Variants in TIAM1 observed in about 807,000 individuals in gnomAD.
TIAM1 encodes the protein rho guanine nucleotide exchange factor TIAM1.
A neutral mutation model predicts 163.5 loss-of-function variants in TIAM1; 65 were observed. The observed-to-expected ratio is 0.40, with a 90% CI of 0.33 to 0.49. The LOEUF is 0.49. Among genes scored for constraint, TIAM1 ranks in the 20% least tolerant of loss-of-function variants. The probability of loss-of-function intolerance (pLI) is 0.77; values close to 1 mark genes in which losing one functional copy is unlikely to be tolerated. For missense variants in TIAM1, 1,789 were observed against 2,044.7 expected (o/e 0.87, Z 2.41); for synonymous variants, 833 against 810.1 (o/e 1.03, Z -0.48).
intron 1 of TIAM1, among the ~76,000 whole-genome samples, chr21:31,472,980 C>T (rs79965643): frequency 0.017 from 2,640 of 152,256 alleles, 69 homozygotes; most frequent in African/African-American, 0.059. Context: ...TTCCTCACCC[C>T]TCACTCAATC....
intron 2 of TIAM1, among the ~76,000 whole-genome samples, chr21:31,308,801 G>A (rs2074814949): frequency 6.6e-6 from 1 of 152,132 alleles, no homozygotes; most frequent in South Asian, 2.1e-4. Context: ...ACTTGATTCT[G>A]TCAATAATGA....
chr21:31,289,976 C>T (rs1046806399), intron 2 of TIAM1, among the ~76,000 whole-genome samples: 1 of 152,128 alleles, frequency 6.6e-6, no homozygotes, highest in African/African-American at 2.4e-5. Context: ...GTCCAGGGCA[C>T]TATGATGCAA....
intron 2 of TIAM1, among the ~76,000 whole-genome samples, chr21:31,400,188 C>A (rs1391138673): frequency 6.6e-6 from 1 of 151,692 alleles, no homozygotes; most frequent in Non-Finnish European, 1.5e-5. Flanking sequence ...AGTGCAGTGG[C>A]GTGATCTTGG....
At chr21:31,180,129 T>C (rs754286969) in intron 15 of TIAM1, among the ~76,000 whole-genome samples, 4 of 152,074 alleles carry the variant, frequency 2.6e-5, no homozygotes, top group Non-Finnish European at 4.4e-5. Context: ...TGGTCTCAAA[T>C]TCCTGACCTC....
chr21:31,499,813 G>A (rs1010832238), intron 1 of TIAM1, among the ~76,000 whole-genome samples: 1 of 150,484 alleles, frequency 6.6e-6, no homozygotes, highest in Non-Finnish European at 1.5e-5. Flanking sequence ...TCGAGCTACT[G>A]CACTCCAGCC....
chr21:31,160,394 A>G (rs556443692), intron 16 of TIAM1: 2 of 398,530 alleles, frequency 5.0e-6, no homozygotes, highest in East Asian at 3.6e-5. Context: ...CTAGAAAGTC[A>G]TAACACAATC....
intron 2 of TIAM1, among the ~76,000 whole-genome samples, chr21:31,359,228 T>C (rs1205603474): frequency 6.6e-6 from 1 of 152,196 alleles, no homozygotes; most frequent in Non-Finnish European, 1.5e-5. Context: ...ACTTAATTAA[T>C]TCATTTAAAA....
At chr21:31,514,380 C>G (rs1690605925) in intron 1 of TIAM1, among the ~76,000 whole-genome samples, 2 of 151,990 alleles carry the variant, frequency 1.3e-5, no homozygotes, top group African/African-American at 4.8e-5. Context: ...GCAGCTGCCA[C>G]AAATGTTAAG....
At chr21:31,239,647 GATGATAT>G (rs1228440948) in intron 6 of TIAM1, among the ~76,000 whole-genome samples, 2 of 151,788 alleles carry the variant, frequency 1.3e-5, no homozygotes, top group East Asian at 3.9e-4. Flanking sequence ...AATCAACAGC[GATGATAT>G]ACAAAATACA....
At chr21:31,421,912 C>T (rs1466473041) in intron 2 of TIAM1, among the ~76,000 whole-genome samples, 1 of 152,072 alleles carries the variant, frequency 6.6e-6, no homozygotes, top group African/African-American at 2.4e-5. Context: ...ATCTCTTGAG[C>T]CCAGGAGGTC....
chr21:31,526,928 C>T (rs1404526383), intron 1 of TIAM1, among the ~76,000 whole-genome samples: 1 of 152,100 alleles, frequency 6.6e-6, no homozygotes, highest in Non-Finnish European at 1.5e-5. Context: ...TCTCGAACTC[C>T]TGACCTCAGG....
At chr21:31,226,073 A>C in intron 6 of TIAM1, 123 bp from the exon 7 acceptor site, 1 of 775,526 alleles carries the variant, frequency 1.3e-6, no homozygotes, top group Non-Finnish European at 2.1e-6. Context: ...ACACCCATGG[A>C]TAAGAATAAC....
At chr21:31,249,522 G>C (rs1377177184) in intron 5 of TIAM1, among the ~76,000 whole-genome samples, 1 of 152,200 alleles carries the variant, frequency 6.6e-6, no homozygotes, top group African/African-American at 2.4e-5. Flanking sequence ...TGTGATGCAG[G>C]TGATCTTCGG....
rs573946246 is a variant in TIAM1, at chr21:31,447,319, C to A, written c.-369+16664G>T. 2.2e-3 allele frequency among the ~76,000 whole-genome samples: 335 copies of A among 152,102 alleles called. 1 individual carries two copies. The highest frequency in any genetic ancestry group is 7.5e-3 in the African/African-American group (312 of 41,496). On this transcript the variant is annotated intron_variant, in intron 2 of 28. Transcript: ENST00000286827. ...GGGTGTAGTGGTGTGCACCTGTAGT[C>A]CCAGCTCTCAGGAGGCTGAGGTGGG...
intron 1 of TIAM1, among the ~76,000 whole-genome samples, chr21:31,517,808 G>A (rs1191617333): frequency 1.3e-5 from 2 of 152,290 alleles, no homozygotes; most frequent in Admixed American, 6.5e-5. Flanking sequence ...TATCAACAGA[G>A]ATGGCGAGTC....
At chr21:31,195,569 G>C (rs1183910785) in intron 12 of TIAM1, among the ~76,000 whole-genome samples, 1 of 152,110 alleles carries the variant, frequency 6.6e-6, no homozygotes, top group Non-Finnish European at 1.5e-5. Flanking sequence ...GTCTATCACA[G>C]ACCTGAAAAA....
At chr21:31,174,165 T>G (rs1414332635) in intron 15 of TIAM1, among the ~76,000 whole-genome samples, 3 of 152,204 alleles carry the variant, frequency 2.0e-5, no homozygotes, top group Non-Finnish European at 4.4e-5. Flanking sequence ...CGCCTGACTG[T>G]CTTCGGTTTT....
chr21:31,304,777 C>T (rs1249303061), intron 2 of TIAM1, among the ~76,000 whole-genome samples: 1 of 152,196 alleles, frequency 6.6e-6, no homozygotes, highest in Non-Finnish European at 1.5e-5. Context: ...ACTGCAACCT[C>T]CGCCTCCTGG....
intron 2 of TIAM1, among the ~76,000 whole-genome samples, chr21:31,426,520 G>C (rs2043800845): frequency 6.6e-6 from 1 of 152,154 alleles, no homozygotes; most frequent in Non-Finnish European, 1.5e-5. Context: ...GAAACCAACT[G>C]TGGTCTGTTT....
Sources: allele counts gnomAD v4.1 joint callset (sites outside exome capture counted in the v4.1 genomes callset), GRCh38; gene constraint gnomAD v4.1.1; transcripts MANE v1.5; gene names NCBI Gene and HGNC (gene_info 2026-07-23, HGNC 2026-07-21).